Variants in PICALM observed in about 807,000 individuals in gnomAD.
PICALM encodes phosphatidylinositol-binding clathrin assembly protein.
In PICALM, 40 loss-of-function variants were observed where a neutral mutation model predicts 80.5. The observed-to-expected ratio is 0.50, with a 90% CI of 0.39 to 0.65. The LOEUF (loss-of-function observed/expected upper bound fraction) is 0.65, where lower values mean the gene tolerates loss of function less well. PICALM is among the 30% of genes least tolerant of loss of function. The pLI, the probability that PICALM is intolerant of heterozygous loss-of-function variation, is 0.00. For synonymous variants in PICALM, 288 were observed against 260.3 expected (o/e 1.11, Z -1.02); for missense variants, 676 against 778.9 (o/e 0.87, Z 1.57).
rs1193152584 is a variant in PICALM at position 85,960,794 on chromosome 11, CAG to C, written c.1945-1736_1945-1735del. On this transcript the variant is annotated intron_variant, in intron 19 of 19. Transcript: ENST00000393346. ...TGCCGACAGCTGGGGGAAAAGAAGA[CAG>C]AGAGAGGGAAAGAAAAAAAGATCTC... is the stretch of plus-strand genomic sequence containing the variant. The C allele has an allele frequency of 2.2e-5, 25 of 1,147,646 alleles. No homozygotes were observed. The East Asian group carries it at 1.2e-3, about 55-fold the overall frequency. The allele number at this position is 1,147,646 out of a possible 1,614,324, so 71.1% of individuals were successfully genotyped here.
intron 2 of PICALM, among the ~76,000 whole-genome samples, chr11:86,028,502 T>C (rs2095689334): frequency 6.6e-6 from 1 of 152,244 alleles, no homozygotes; most frequent in Non-Finnish European, 1.5e-5. Context: ...TCTAATTTCA[T>C]CTACAAATTT....
intron 11 of PICALM, among the ~76,000 whole-genome samples, chr11:85,998,457 T>G (rs2095046165): frequency 6.6e-6 from 1 of 150,856 alleles, no homozygotes; most frequent in Non-Finnish European, 1.5e-5. Flanking sequence ...GACCCCAGAG[T>G]GTCTAAGAAT....
At chr11:86,004,297 A>T (rs142925735) in intron 8 of PICALM, among the ~76,000 whole-genome samples, 251 of 152,306 alleles carry the variant, frequency 1.6e-3, no homozygotes, top group African/African-American at 5.7e-3. Flanking sequence ...GATGAGCAAA[A>T]AAAGCCAGAA....
intron 3 of PICALM, chr11:86,023,340 T>A (rs1156229757): frequency 2.9e-6 from 1 of 348,628 alleles, no homozygotes; most frequent in Admixed American, 6.4e-5. Context: ...ATTTATTGAG[T>A]GCCTATTAAG....
At chr11:86,044,201 G>A (rs1017099271) in intron 1 of PICALM, among the ~76,000 whole-genome samples, 7 of 152,174 alleles carry the variant, frequency 4.6e-5, no homozygotes, top group Non-Finnish European at 8.8e-5. Flanking sequence ...TTAGCTCTTG[G>A]AAGGGATGGA....
rs369285997 is a variant in PICALM, at chr11:86,001,024, C to T, written c.1017+11G>A. On this transcript the variant is annotated intron_variant, in intron 10 of 19. Transcript: ENST00000393346. The stretch of plus-strand genomic sequence containing the variant: ...CTCATTTTTCGAAATAAGGAGAATG[C>T]ACAAACTTACCTTTAAAGCTTTCAA... 24 of 1,613,638 alleles carry T rather than the reference C, an allele frequency of 1.5e-5. No individual in the cohort carries two copies. Among genetic ancestry groups the T allele is most frequent in the Non-Finnish European group, 1.9e-5 (22 of 1,179,692 alleles).
chr11:86,009,553 G>A (rs1260281652), intron 7 of PICALM, among the ~76,000 whole-genome samples: 1 of 152,032 alleles, frequency 6.6e-6, no homozygotes, highest in East Asian at 1.9e-4. Flanking sequence ...TTAGCCGGGT[G>A]TGGTGGCAGG....
chr11:86,013,773 C>T (rs1015905163), intron 5 of PICALM, among the ~76,000 whole-genome samples: 1 of 152,126 alleles, frequency 6.6e-6, no homozygotes, highest in Non-Finnish European at 1.5e-5. Context: ...GAGCAGGGGT[C>T]AGCAAACTTT....
intron 19 of PICALM, 77 bp downstream of exon 19, chr11:85,974,631 T>C: frequency 1.1e-6 from 1 of 936,084 alleles, no homozygotes; most frequent in African/African-American, 1.6e-5. Context: ...GTTTCTCAAG[T>C]TGTACAAAAG....
intron 18 of PICALM, among the ~76,000 whole-genome samples, chr11:85,975,267 G>A (rs1429353925): frequency 4.0e-5 from 6 of 151,292 alleles, no homozygotes; most frequent in African/African-American, 1.5e-4. Flanking sequence ...CTCTGAATAA[G>A]CCTGCTCTAG....
intron 1 of PICALM, among the ~76,000 whole-genome samples, chr11:86,037,740 T>C (rs1272535408): frequency 2.6e-5 from 4 of 152,144 alleles, no homozygotes; most frequent in Non-Finnish European, 4.4e-5. Context: ...TTTGTATATA[T>C]TGTATTTGCC....
At chr11:86,050,746 A>C (rs1033325837) in intron 1 of PICALM, among the ~76,000 whole-genome samples, 1 of 152,184 alleles carries the variant, frequency 6.6e-6, no homozygotes, top group Non-Finnish European at 1.5e-5. Context: ...CCCTCAGCTG[A>C]TCCCCCAATA....
intron 19 of PICALM, among the ~76,000 whole-genome samples, chr11:85,969,281 T>C (rs552074281): frequency 3.3e-5 from 5 of 152,252 alleles, no homozygotes; most frequent in Middle Eastern, 3.4e-3. Context: ...CTTGATATAA[T>C]AGTAATCAGG....
intron 1 of PICALM, among the ~76,000 whole-genome samples, chr11:86,035,439 G>A (rs1161220913): frequency 1.3e-5 from 2 of 152,122 alleles, no homozygotes; most frequent in African/African-American, 4.8e-5. Flanking sequence ...ACTGATACCC[G>A]AATAAGATTT....
intron 1 of PICALM, among the ~76,000 whole-genome samples, chr11:86,054,008 A>C (rs1328329454): frequency 6.6e-6 from 1 of 152,210 alleles, no homozygotes; most frequent in African/African-American, 2.4e-5. Flanking sequence ...TGATTTAACA[A>C]ATCTTATTTA....
At position 85,970,341 on chromosome 11, in the gene PICALM, T is replaced by C. The variant is rs2094059620; in HGVS notation, c.1944+4367A>G. ...CACTTTATGGCAGGTGAAGGACTTA[T>C]GGAAAAGACAAATAACAGCAGAACA... is the stretch of plus-strand genomic sequence containing the variant. On this transcript the variant is annotated intron_variant, in intron 19 of 19. Coordinates refer to ENST00000393346, the MANE Select transcript of PICALM (RefSeq NM_007166.4). Among the ~76,000 whole-genome samples, 3 of 152,274 alleles carry C rather than the reference T, an allele frequency of 2.0e-5. 1 individual carries two copies. Among genetic ancestry groups the C allele is most frequent in the South Asian group, 4.1e-4 (2 of 4,824 alleles).
intron 19 of PICALM, among the ~76,000 whole-genome samples, chr11:85,964,261 C>T (rs2093798758): frequency 6.6e-6 from 1 of 152,082 alleles, no homozygotes; most frequent in Non-Finnish European, 1.5e-5. Context: ...ACCAATTTTG[C>T]CACATCTTTA....
chr11:86,024,663 C>T lies in PICALM; in HGVS notation c.349+1629G>A, dbSNP rs114902508. The stretch of plus-strand genomic sequence containing the variant: ...TCCAACTCTATAAAAAATTTTTGTG[C>T]TTGATTTTGGCTCTGAACAGCTTCT... On this transcript the variant is annotated intron_variant, in intron 3 of 19. Coordinates refer to ENST00000393346, the MANE Select transcript of PICALM (RefSeq NM_007166.4). Among the ~76,000 whole-genome samples the T allele has an allele frequency of 3.3e-3, 509 of 152,198 alleles. 3 individuals carry two copies. The highest frequency in any genetic ancestry group is 0.012 in the African/African-American group (497 of 41,542).
chr11:85,990,550 AATC>A (rs2094735642), intron 12 of PICALM, 151 bp from the exon 13 acceptor site: 1 of 410,496 alleles, frequency 2.4e-6, no homozygotes, highest in South Asian at 1.0e-4. Context: ...AAAAATACCT[AATC>A]ATCAAGATAG....
Sources: gnomAD v4.1 joint callset for allele counts (sites outside exome capture counted in the v4.1 genomes callset) on GRCh38, gnomAD v4.1.1 for gene constraint, MANE v1.5 for transcripts, NCBI Gene and HGNC (gene_info 2026-07-23, HGNC 2026-07-21) for gene names.